DNAH10: variants seen among roughly 807,000 people sequenced by gnomAD.
The protein encoded by DNAH10 is dynein axonemal heavy chain 10.
In DNAH10, 348 loss-of-function variants were observed where a neutral mutation model predicts 506.6. The observed-to-expected ratio is 0.69, with a 90% CI of 0.63 to 0.75. The LOEUF (loss-of-function observed/expected upper bound fraction) is 0.75. Among genes scored for constraint, DNAH10 ranks in the 30% least tolerant of loss-of-function variants. The probability of loss-of-function intolerance (pLI) is 0.00; values close to 1 mark genes in which losing one functional copy is unlikely to be tolerated. For synonymous variants in DNAH10, 2,059 were observed against 2,198.6 expected, an observed-to-expected ratio of 0.94 and a Z score of 1.78; for missense variants, 5,179 against 5,787.1, an observed-to-expected ratio of 0.89 and a Z score of 3.41.
intron 5 of DNAH10, among the ~76,000 whole-genome samples, chr12:123,775,545 A>G (rs1957408378): frequency 6.6e-6 from 1 of 152,232 alleles, no homozygotes; most frequent in Admixed American, 6.5e-5. Flanking sequence ...AAGGCATCAG[A>G]CATGATAGGA....
At chr12:123,768,015 G>C (rs1957112205) in intron 2 of DNAH10, among the ~76,000 whole-genome samples, 1 of 152,148 alleles carries the variant, frequency 6.6e-6, no homozygotes, top group Non-Finnish European at 1.5e-5. Context: ...ACTGCAGTCT[G>C]GGGGTCAGGG....
chr12:123,896,140 CACACACACAGAGAG>C (rs1953219439), intron 54 of DNAH10, among the ~76,000 whole-genome samples: 1 of 114,106 alleles, frequency 8.8e-6, no homozygotes, highest in Non-Finnish European at 1.7e-5. Context: ...CACACACACA[CACACACACAGAGAG>C]AGAGAGAGAG....
At chr12:123,776,997 T>C (rs946642310) in intron 5 of DNAH10, among the ~76,000 whole-genome samples, 8 of 151,966 alleles carry the variant, frequency 5.3e-5, no homozygotes, top group African/African-American at 1.9e-4. Flanking sequence ...GGAAAGTTGA[T>C]AGGTGGAAAG....
chr12:123,786,576 T>C lies in DNAH10; in HGVS notation c.1421+640T>C, dbSNP rs372536420. On this transcript the variant is annotated intron_variant, in intron 9 of 78. Coordinates refer to ENST00000673944, the MANE Select transcript of DNAH10 (RefSeq NM_001372106.1). ...TTCACTTAGCAGCATGTTTTCAAGG[T>C]TCATCCACATCGTAGTATGGATCAG... Among the ~76,000 whole-genome samples the C allele has an allele frequency of 2.2e-5, 3 of 135,310 alleles. No individual in the cohort carries two copies. The East Asian group carries it at 5.9e-4, about 26-fold the overall frequency. The allele number at this position is 135,310 out of a possible 152,430, so 88.8% of individuals were successfully genotyped here.
intron 24 of DNAH10, among the ~76,000 whole-genome samples, chr12:123,825,040 G>C (rs1020999217): frequency 3.9e-5 from 6 of 152,130 alleles, no homozygotes; most frequent in Non-Finnish European, 8.8e-5. Flanking sequence ...CCTAAAAAAG[G>C]AAAGACGAGG....
In DNAH10 at chr12:123,816,160, C is replaced by T. The variant is rs184100357; in HGVS notation, c.3780+2248C>T. ...ATTGTTCTTTGTCCCTGGTTCCTGG[C>T]GCACAGCCTCTCAAATCCTTGGACT... is the stretch of plus-strand genomic sequence containing the variant. On this transcript the variant is annotated intron_variant, in intron 21 of 78. Coordinates refer to ENST00000673944, the MANE Select transcript of DNAH10 (RefSeq NM_001372106.1). 2.0e-3 allele frequency among the ~76,000 whole-genome samples: 310 copies of T among 152,264 alleles called. 4 individuals are homozygous for T. Among genetic ancestry groups the T allele is most frequent in the Admixed American group, 0.018 (280 of 15,288 alleles).
In DNAH10 at chr12:123,853,964, T is replaced by G. The variant is rs1951286594; in HGVS notation, c.6438+612T>G. ...CGCACACACACACACATTTGGGTAGTAAAAAAAAAACAGCCGTGAGTGCAG... is the reference window on the plus strand; with the variant it reads ...CGCACACACACACACATTTGGGTAGGAAAAAAAAAACAGCCGTGAGTGCAG... On this transcript the variant is annotated intron_variant, in intron 36 of 78. Transcript: ENST00000673944. This position sits in a 1 kb window ranked among gnomAD's most constrained non-coding sequence, Gnocchi z 4.7. Among the ~76,000 whole-genome samples, 1 of 142,952 alleles carries G rather than the reference T, an allele frequency of 7.0e-6. No homozygotes were observed. The highest frequency in any genetic ancestry group is 2.6e-5 in the African/African-American group (1 of 38,874). 93.8% of individuals were successfully genotyped at this position (142,952 alleles called of 152,430 possible).
At chr12:123,934,590 G>C (rs1955397295) in intron 77 of DNAH10, 31 bp from the exon 78 acceptor site, 1 of 1,611,270 alleles carries the variant, frequency 6.2e-7, no homozygotes, top group South Asian at 1.1e-5. Context: ...GCATGCTCCA[G>C]TTGTATCCAG....
chr12:123,913,382 C>T lies in DNAH10; in HGVS notation c.10352+67C>T, dbSNP rs997868223. On this transcript the variant is annotated intron_variant, in intron 60 of 78. Coordinates refer to ENST00000673944, the MANE Select transcript of DNAH10 (RefSeq NM_001372106.1). This position sits in a 1 kb window ranked among gnomAD's most constrained non-coding sequence, Gnocchi z 5.1. ...GGACGTCACCCACAGAGTTTCTCGC[C>T]ATGTTGATTCTTTATCTCACGTTGT... is the stretch of plus-strand genomic sequence containing the variant. The T allele has an allele frequency of 6.9e-7, 1 of 1,446,114 alleles. No homozygotes were observed. The highest frequency in any genetic ancestry group is 1.4e-5 in the African/African-American group (1 of 69,932). 89.6% of individuals were successfully genotyped at this position (1,446,114 alleles called of 1,614,324 possible). A position where few individuals can be genotyped will look rare whatever the true frequency, so the allele number is the denominator to read the frequency against.
In DNAH10 at chr12:123,914,427, C is replaced by T; in HGVS notation, c.10451C>T (p.Thr3484Ile). Reference protein sequence around the residue: ...AAFLSYEGAFTWEFRDEMVNR... With the variant: ...AAFLSYEGAFIWEFRDEMVNR... ...TTCCTCAGCTACGAGGGAGCCTTCA[C>T]CTGGGAGTTCCGTGACGAGATGGTC... The change falls in exon 61 of 79, where the codon ACC (threonine) becomes ATC (isoleucine). Residue 3484 changes from threonine (T) to isoleucine (I), a missense_variant. Thr to Ile is a moderately conservative substitution (Grantham distance 89, BLOSUM62 -1). Coordinates refer to ENST00000673944, the MANE Select transcript of DNAH10 (RefSeq NM_001372106.1). 1 of 1,613,754 alleles carries T rather than the reference C, an allele frequency of 6.2e-7. No homozygotes were observed. Among genetic ancestry groups the T allele is most frequent in the Non-Finnish European group, 8.5e-7 (1 of 1,179,902 alleles).
chr12:123,772,593 T>C (rs1382983163), intron 3 of DNAH10, among the ~76,000 whole-genome samples: 1 of 152,168 alleles, frequency 6.6e-6, no homozygotes, highest in Non-Finnish European at 1.5e-5. Flanking sequence ...CTTTGCCAGG[T>C]CAGTTTGTTT....
intron 39 of DNAH10, among the ~76,000 whole-genome samples, chr12:123,864,151 T>TC (rs1417077913): frequency 2.0e-5 from 3 of 148,356 alleles, no homozygotes; most frequent in Non-Finnish European, 4.5e-5. Flanking sequence ...TTCTTTTTTT[T>TC]TTTTTTTTTT....
chr12:123,784,750 C>A (rs1201303725), intron 8 of DNAH10, among the ~76,000 whole-genome samples: 1 of 152,206 alleles, frequency 6.6e-6, no homozygotes, highest in African/African-American at 2.4e-5. Context: ...CTTCCTTACC[C>A]TAAGTCCCTG....
intron 24 of DNAH10, among the ~76,000 whole-genome samples, chr12:123,822,800 T>G (rs965373129): frequency 3.3e-5 from 5 of 152,192 alleles, no homozygotes; most frequent in Admixed American, 6.5e-5. Flanking sequence ...ACGTCCCAGC[T>G]TGAAGACAGT....
Position 123,859,236 on chromosome 12 carries a change from C to A in DNAH10, c.6717C>A (p.Val2239=). The change falls in exon 38 of 79, where the codon GTC becomes GTA. Residue 2239 remains valine, a synonymous_variant. Coordinates refer to ENST00000673944, the MANE Select transcript of DNAH10 (RefSeq NM_001372106.1). ...VVGPTRGGKS[V]VINTLCQAQT... The stretch of plus-strand genomic sequence containing the variant: ...GGCCCACCAGAGGGGGCAAGTCCGT[C>A]GTCATTAACACTCTGTGTCAGGCCC... The A allele has an allele frequency of 6.2e-7, 1 of 1,609,768 alleles. No homozygotes were observed. Among genetic ancestry groups the A allele is most frequent in the Non-Finnish European group, 8.5e-7 (1 of 1,178,468 alleles).
At chr12:123,883,078 G>A (rs1359346547) in intron 51 of DNAH10, among the ~76,000 whole-genome samples, 1 of 152,060 alleles carries the variant, frequency 6.6e-6, no homozygotes, top group Non-Finnish European at 1.5e-5. Flanking sequence ...CCAAATAGGA[G>A]GCCCTCGTGT....
At position 123,907,808 on chromosome 12, in the gene DNAH10, A is replaced by T. The variant is rs1953855536; in HGVS notation, c.9816-1453A>T. Among the ~76,000 whole-genome samples the T allele has an allele frequency of 6.6e-6, 1 of 152,156 alleles. No individual in the cohort carries two copies. ...TGAAGGGACCTTTTAAAGACACTTG[A>T]CAGCCCCGCCGCTTTCCTAAGCAGC... On this transcript the variant is annotated intron_variant, in intron 57 of 78. Coordinates refer to ENST00000673944, the MANE Select transcript of DNAH10 (RefSeq NM_001372106.1). The surrounding 1 kb of genome is among the most constrained non-coding windows in gnomAD (Gnocchi z 4.4).
At chr12:123,855,509 C>T (rs1238454996) in intron 36 of DNAH10, among the ~76,000 whole-genome samples, 1 of 151,574 alleles carries the variant, frequency 6.6e-6, no homozygotes, top group Non-Finnish European at 1.5e-5. Context: ...TGGCACACTT[C>T]TATAGTCCCA....
Position 123,848,065 on chromosome 12 carries a change from C to T in DNAH10, c.5919C>T (p.Val1973=). The change falls in exon 33 of 79, where the codon GTC becomes GTT. Residue 1973 remains valine, a synonymous_variant. Transcript: ENST00000673944. ...AAGCCTTGGGCTTGCTCTGTGTTGT[C>T]ACCAACTGTGGCGAAGGCATGGATT... is the stretch of plus-strand genomic sequence containing the variant. ...LAKALGLLCV[V]TNCGEGMDYR... is the part of the protein sequence containing the mutation. 6.2e-7 allele frequency: 1 copy of T among 1,613,864 alleles called. No homozygotes were observed. The highest frequency in any genetic ancestry group is 8.5e-7 in the Non-Finnish European group (1 of 1,179,806).
Sources: gnomAD v4.1 joint callset for allele counts (sites outside exome capture counted in the v4.1 genomes callset) on GRCh38, gnomAD v4.1.1 for gene constraint, Gnocchi (gnomAD v3.1) non-coding constraint, MANE v1.5 for transcripts, NCBI Gene and HGNC (gene_info 2026-07-23, HGNC 2026-07-21) for gene names.